Variants in EML4 observed in about 807,000 individuals in gnomAD.
EML4 encodes the protein EMAP like 4.
In EML4, 72 loss-of-function variants were observed where a neutral mutation model predicts 129.0. That is an observed-to-expected ratio of 0.56 (90% CI 0.46 to 0.68). EML4 has a LOEUF of 0.68. EML4 is among the 30% of genes least tolerant of loss of function. The probability of loss-of-function intolerance (pLI) is 0.00; values close to 1 mark genes in which losing one functional copy is unlikely to be tolerated. For synonymous variants in EML4, 532 were observed against 405.0 expected, an observed-to-expected ratio of 1.31 and a Z score of -3.77; for missense variants, 1,363 against 1,190.6, an observed-to-expected ratio of 1.14 and a Z score of -2.13.
intron 11 of EML4, among the ~76,000 whole-genome samples, chr2:42,291,846 AT>A (rs750315922): frequency 9.2e-5 from 14 of 152,362 alleles, no homozygotes; most frequent in Non-Finnish European, 1.8e-4. Context: ...CCGGCACTAC[AT>A]AAAACAGGGT....
chr2:42,294,215 C>G (rs1000944175), intron 11 of EML4, among the ~76,000 whole-genome samples: 3 of 152,150 alleles, frequency 2.0e-5, no homozygotes, highest in African/African-American at 4.8e-5. Flanking sequence ...TGTATTCTTC[C>G]TAGTCCACCA....
At chr2:42,264,880 GT>G (rs1665964527) in intron 6 of EML4, 149 bp downstream of exon 6, 1 of 1,547,068 alleles carries the variant, frequency 6.5e-7, no homozygotes, top group Admixed American at 2.0e-5. Flanking sequence ...AAAAAACCCA[GT>G]TTTTATTGTA....
chr2:42,197,662 G>A (rs1473606984), intron 1 of EML4, among the ~76,000 whole-genome samples: 1 of 152,042 alleles, frequency 6.6e-6, no homozygotes, highest in African/African-American at 2.4e-5. Context: ...TATTGGTAGT[G>A]AATATTTTAT....
chr2:42,301,384 G>C lies in EML4; in HGVS notation c.1633G>C (p.Glu545Gln). Reference protein sequence around the residue: ...LWDHDLNPEREIEVPDQYGTI... With the variant: ...LWDHDLNPERQIEVPDQYGTI... ...GGATCATGATCTGAATCCTGAAAGA[G>C]AAATAGAGGTAAGGATGGAAACGGA... is the stretch of plus-strand genomic sequence containing the variant. Residue 545 changes from glutamate to glutamine, a missense_variant, in exon 14 of 23, where the codon GAA (glutamate) becomes CAA (glutamine). Coordinates refer to ENST00000318522, the MANE Select transcript of EML4 (RefSeq NM_019063.5). The C allele has an allele frequency of 2.5e-6, 4 of 1,610,040 alleles. No individual in the cohort carries two copies. Among genetic ancestry groups the C allele is most frequent in the Non-Finnish European group, 3.4e-6 (4 of 1,178,352 alleles).
chr2:42,193,448 G>A (rs985541595), intron 1 of EML4, among the ~76,000 whole-genome samples: 1 of 152,212 alleles, frequency 6.6e-6, no homozygotes, highest in Admixed American at 6.5e-5. Context: ...GGTGTCTGCT[G>A]TGTGATTGTT....
In EML4 at chr2:42,280,978, CCTT is replaced by C; in HGVS notation, c.791+8_791+10del. 1 of 1,577,596 alleles carries C rather than the reference CCTT, an allele frequency of 6.3e-7. No individual in the cohort carries two copies. The highest frequency in any genetic ancestry group is 8.6e-7 in the Non-Finnish European group (1 of 1,165,282). On this transcript the variant is annotated splice_donor_region_variant and intron_variant, in intron 7 of 22. Transcript: ENST00000318522. ...GAAGCTCAAACTGGAGTGGGCGTAT[CCTT>C]CTCTACCATGACAGCAAATTCATTT... is the stretch of plus-strand genomic sequence containing the variant.
chr2:42,262,822 T>C (rs2104388707), intron 4 of EML4, among the ~76,000 whole-genome samples: 1 of 152,300 alleles, frequency 6.6e-6, no homozygotes, highest in Non-Finnish European at 1.5e-5. Context: ...AATGGCAGCC[T>C]TATAAAATTC....
intron 1 of EML4, among the ~76,000 whole-genome samples, chr2:42,228,232 A>AAT: frequency 6.6e-6 from 1 of 152,028 alleles, no homozygotes; most frequent in East Asian, 1.9e-4. Flanking sequence ...AAAAAAAAAA[A>AAT]AGTATACATG....
intron 8 of EML4, among the ~76,000 whole-genome samples, chr2:42,283,608 T>G (rs1369500289): frequency 6.6e-6 from 1 of 152,212 alleles, no homozygotes; most frequent in African/African-American, 2.4e-5. Flanking sequence ...CTTTTATGTC[T>G]GTACTATGCT....
chr2:42,294,795 C>CT (rs1667853168), intron 11 of EML4, among the ~76,000 whole-genome samples: 1 of 151,990 alleles, frequency 6.6e-6, no homozygotes, highest in Admixed American at 6.6e-5. Context: ...ATAGCAGTGT[C>CT]TTTAAGAAAG....
intron 2 of EML4, among the ~76,000 whole-genome samples, chr2:42,255,458 G>T (rs890002270): frequency 2.0e-5 from 3 of 152,124 alleles, no homozygotes; most frequent in Non-Finnish European, 4.4e-5. Context: ...GCACAACATT[G>T]TGAATATACT....
chr2:42,277,728 C>T (rs752718060), intron 6 of EML4, among the ~76,000 whole-genome samples: 1 of 152,054 alleles, frequency 6.6e-6, no homozygotes, highest in African/African-American at 2.4e-5. Flanking sequence ...ACCACCACAC[C>T]CAGCTAAATT....
chr2:42,257,090 A>AAT (rs1676201825), intron 3 of EML4, among the ~76,000 whole-genome samples: 1 of 152,098 alleles, frequency 6.6e-6, no homozygotes, highest in African/African-American at 2.4e-5. Context: ...TTATTTCAAA[A>AAT]ATATAGTACT....
At chr2:42,215,504 A>G (rs1401229618) in intron 1 of EML4, among the ~76,000 whole-genome samples, 1 of 152,118 alleles carries the variant, frequency 6.6e-6, no homozygotes, top group African/African-American at 2.4e-5. Context: ...TGTTGGCCTC[A>G]GACTAGATTT....
rs1670103627 is a variant in EML4, at chr2:42,331,572, T to G, written c.*1365T>G. 1 of 223,740 alleles carries G rather than the reference T, an allele frequency of 4.5e-6. No homozygotes were observed. Among genetic ancestry groups the G allele is most frequent in the African/African-American group, 2.2e-5 (1 of 44,824 alleles). 13.9% of individuals were successfully genotyped at this position (223,740 alleles called of 1,614,324 possible). On this transcript the variant is annotated 3_prime_UTR_variant, in exon 23 of 23. Coordinates refer to ENST00000318522, the MANE Select transcript of EML4 (RefSeq NM_019063.5). ...GCATTGTTTTGATACTTTCTATTTT[T>G]TTGGTCAAATCATGTTTAGAAACTT...
In EML4 at chr2:42,169,867, C is replaced by G. The variant is rs576359123; in HGVS notation, c.25+231C>G. 55 of 432,360 alleles carry G rather than the reference C, an allele frequency of 1.3e-4. No homozygotes were observed. In the East Asian group the frequency reaches 2.0e-3, roughly 15 times the overall value. The allele number at this position is 432,360 out of a possible 1,614,324, so 26.8% of individuals were successfully genotyped here. ...CCTCCTTTCCTCCCGGAGCCCCTTT[C>G]AGTGCGGGGCCCTCGTTCCCCCAAA... On this transcript the variant is annotated intron_variant, in intron 1 of 22. Transcript: ENST00000318522.
At chr2:42,272,146 T>C (rs1178791366) in intron 6 of EML4, among the ~76,000 whole-genome samples, 1 of 151,644 alleles carries the variant, frequency 6.6e-6, no homozygotes, top group Non-Finnish European at 1.5e-5. Context: ...CTTACTCTAG[T>C]AATTGTTATT....
Position 42,316,034 on chromosome 2 carries a change from G to A in EML4, c.2040G>A (p.Val680=). 6.2e-7 allele frequency: 1 copy of A among 1,613,362 alleles called. No individual in the cohort carries two copies. The highest frequency in any genetic ancestry group is 8.5e-7 in the Non-Finnish European group (1 of 1,179,424). ...IHTDGNEQLS[V]MRYSIDGTFL... ...CAGACGGGAATGAACAGCTCTCTGT[G>A]ATGCGCTACTCAATAGGTAGGCAAA... is the stretch of plus-strand genomic sequence containing the variant. The change falls in exon 18 of 23, where the codon GTG becomes GTA. Residue 680 remains valine (V), a synonymous_variant. Transcript: ENST00000318522.
At chr2:42,220,545 C>T (rs370537412) in intron 1 of EML4, among the ~76,000 whole-genome samples, 11 of 152,096 alleles carry the variant, frequency 7.2e-5, no homozygotes, top group African/African-American at 2.2e-4. Flanking sequence ...TGTCTCTCTC[C>T]CTCTCCTCAG....
Sources: allele counts gnomAD v4.1 joint callset (sites outside exome capture counted in the v4.1 genomes callset), GRCh38; gene constraint gnomAD v4.1.1; transcripts MANE v1.5; gene names NCBI Gene and HGNC (gene_info 2026-07-23, HGNC 2026-07-21).